Variants in TASP1 observed in about 807,000 individuals in gnomAD.
TASP1 encodes threonine aspartase 1.
In TASP1, 16 loss-of-function variants were observed where a neutral mutation model predicts 56.6. The ratio of observed to expected loss-of-function variants is 0.28; its 90% CI spans 0.19 to 0.43. The LOEUF (loss-of-function observed/expected upper bound fraction) is 0.43. Among genes scored for constraint, TASP1 ranks in the 20% least tolerant of loss-of-function variants. The pLI, the probability that TASP1 is intolerant of heterozygous loss-of-function variation, is 1.00. For missense variants in TASP1, 393 were observed against 511.6 expected, an observed-to-expected ratio of 0.77 and a Z score of 2.24; for synonymous variants, 179 against 184.2, an observed-to-expected ratio of 0.97 and a Z score of 0.23.
chr20:13,609,686 CAA>C (rs71188167), intron 4 of TASP1, among the ~76,000 whole-genome samples: 136 of 49,960 alleles, frequency 2.7e-3, no homozygotes, highest in Middle Eastern at 0.012. Context: ...AACTCTGTCT[CAA>C]AAAAAAAAAA....
the TASP1 span, among the ~76,000 whole-genome samples, chr20:13,230,488 C>G: frequency 7.2e-5 from 11 of 152,150 alleles, no homozygotes; most frequent in African/African-American, 2.7e-4. Flanking sequence ...TATTATTTCT[C>G]TCTCATCTTC....
rs1033999709 is a variant in TASP1, at chr20:13,393,409, C to A, written c.1171-2957G>T. On this transcript the variant is annotated intron_variant, in intron 13 of 13. Transcript: ENST00000337743. ...GCCAATGTGTCAGTTATGGACCTGACCTACCGTCTGGAGAAACCTGCCAAA... is the reference window on the plus strand; with the variant it reads ...GCCAATGTGTCAGTTATGGACCTGAACTACCGTCTGGAGAAACCTGCCAAA... 1.7e-5 allele frequency: 13 copies of A among 754,818 alleles called. No homozygotes were observed. The African/African-American group carries it at 2.2e-4, about 13-fold the overall frequency. The allele number at this position is 754,818 out of a possible 1,614,324, so 46.8% of individuals were successfully genotyped here. A position where few individuals can be genotyped will look rare whatever the true frequency, so the allele number is the denominator to read the frequency against.
intron 10 of TASP1, among the ~76,000 whole-genome samples, chr20:13,489,347 T>C (rs912985991): frequency 2.6e-5 from 4 of 152,052 alleles, no homozygotes; most frequent in Admixed American, 1.3e-4. Context: ...CTGTGAAATA[T>C]AGGGGAATAT....
At chr20:13,163,814 A>C in the TASP1 span, among the ~76,000 whole-genome samples, 4 of 152,320 alleles carry the variant, frequency 2.6e-5, no homozygotes, top group South Asian at 8.3e-4. Flanking sequence ...CTCATTTGGC[A>C]GGTTAAGAAA....
At chr20:13,237,141 A>G in the TASP1 span, among the ~76,000 whole-genome samples, 67 of 152,340 alleles carry the variant, frequency 4.4e-4, 1 homozygote, top group Admixed American at 3.7e-3. Context: ...AGTCCCTCCC[A>G]CAACACATGA....
intron 11 of TASP1, among the ~76,000 whole-genome samples, chr20:13,452,599 T>G (rs971064064): frequency 1.3e-5 from 2 of 151,996 alleles, no homozygotes; most frequent in Non-Finnish European, 2.9e-5. Context: ...AACTAGACTA[T>G]CTGTTCACCA....
At chr20:13,573,678 C>A (rs1356935013) in intron 6 of TASP1, among the ~76,000 whole-genome samples, 1 of 152,060 alleles carries the variant, frequency 6.6e-6, no homozygotes, top group Non-Finnish European at 1.5e-5. Context: ...AGATTTTTCA[C>A]TTCTGGACAA....
rs202179333 is a variant in TASP1 at position 13,390,432 on chromosome 20, A to G, written c.1191T>C (p.Pro397=). 3.0e-5 allele frequency: 49 copies of G among 1,613,844 alleles called. No individual in the cohort carries two copies. The highest frequency in any genetic ancestry group is 5.9e-6 in the Non-Finnish European group (7 of 1,179,874). The change falls in exon 14 of 14, where the codon CCT becomes CCC. Residue 397 remains proline (P), a synonymous_variant. Transcript: ENST00000337743. ...CAGACTGTCCTGCCACCGCACCAGG[A>G]GGAAGTCTTGAAATGTGAGTCTGCA... ...GKAKTHISRL[P]PGAVAGQSVA...
At chr20:13,244,316 A>G in the TASP1 span, 1 of 139,596 alleles carries the variant, frequency 7.2e-6, no homozygotes, top group Admixed American at 7.2e-5. Context: ...CGACACTAAG[A>G]TGACCACAGC....
At chr20:13,178,916 G>A in the TASP1 span, among the ~76,000 whole-genome samples, 1 of 152,082 alleles carries the variant, frequency 6.6e-6, no homozygotes, top group East Asian at 1.9e-4. Flanking sequence ...CAGCTAGAAG[G>A]AGGATTCTGA....
chr20:13,541,581 T>C (rs761886482), intron 8 of TASP1, among the ~76,000 whole-genome samples: 21 of 152,060 alleles, frequency 1.4e-4, no homozygotes, highest in South Asian at 1.0e-3. Flanking sequence ...TCTAAAATGA[T>C]AGAATGCTCA....
chr20:13,610,996 T>C (rs1245399314), intron 4 of TASP1, among the ~76,000 whole-genome samples: 1 of 152,066 alleles, frequency 6.6e-6, no homozygotes, highest in African/African-American at 2.4e-5. Context: ...AGCTAACCAC[T>C]CTGGGGCTAG....
intron 10 of TASP1, among the ~76,000 whole-genome samples, chr20:13,495,873 T>C (rs1386203334): frequency 6.6e-6 from 1 of 152,174 alleles, no homozygotes; most frequent in Non-Finnish European, 1.5e-5. Flanking sequence ...AAAAGATATA[T>C]CTTGGACTAA....
chr20:13,334,008 A>G, the TASP1 span, among the ~76,000 whole-genome samples: 1 of 152,206 alleles, frequency 6.6e-6, no homozygotes, highest in Non-Finnish European at 1.5e-5. Context: ...GCATAATTTC[A>G]AAATTCCTGG....
chr20:13,343,889 GCAGC>G, the TASP1 span, among the ~76,000 whole-genome samples: 23,793 of 151,812 alleles, frequency 0.16, 2,152 homozygotes, highest in Admixed American at 0.23. Context: ...ACCTGACTGG[GCAGC>G]CAGCCCAGTT....
chr20:13,307,080 T>C, the TASP1 span, among the ~76,000 whole-genome samples: 1 of 152,142 alleles, frequency 6.6e-6, no homozygotes, highest in Non-Finnish European at 1.5e-5. Flanking sequence ...TAAAGGCTTG[T>C]TCACACTACT....
chr20:13,563,244 T>C (rs541463658), intron 7 of TASP1, among the ~76,000 whole-genome samples: 3 of 151,144 alleles, frequency 2.0e-5, no homozygotes, highest in South Asian at 2.1e-4. Flanking sequence ...CATGAAGAAA[T>C]AGAAAATTTA....
At chr20:13,195,273 T>A in the TASP1 span, among the ~76,000 whole-genome samples, 1 of 152,244 alleles carries the variant, frequency 6.6e-6, no homozygotes, top group East Asian at 1.9e-4. Context: ...ACTGGGCAGC[T>A]GCTGCATAAC....
At chr20:13,633,109 A>G (rs892653994) in intron 1 of TASP1, among the ~76,000 whole-genome samples, 3 of 152,162 alleles carry the variant, frequency 2.0e-5, no homozygotes, top group African/African-American at 7.2e-5. Context: ...TAGCCCGAAA[A>G]ATGTCTTGAT....
Sources: allele counts gnomAD v4.1 joint callset (sites outside exome capture counted in the v4.1 genomes callset), GRCh38; gene constraint gnomAD v4.1.1; transcripts MANE v1.5; gene names NCBI Gene and HGNC (gene_info 2026-07-23, HGNC 2026-07-21).